Variants in RNF220 observed in about 807,000 individuals in gnomAD.
RNF220 encodes E3 ubiquitin-protein ligase RNF220.
Under a neutral mutation model 67.1 loss-of-function variants are expected in RNF220, and 7 were observed. The ratio of observed to expected loss-of-function variants is 0.10; its 90% CI spans 0.06 to 0.20. RNF220 has a LOEUF of 0.20. Ranked by LOEUF, RNF220 falls within the 10% of genes least tolerant of loss-of-function variation. The probability of loss-of-function intolerance (pLI) is 1.00; values close to 1 mark genes in which losing one functional copy is unlikely to be tolerated. For synonymous variants in RNF220, 270 were observed against 283.2 expected (o/e 0.95, Z 0.47); for missense variants, 565 against 740.3 (o/e 0.76, Z 2.75).
At chr1:44,555,302 A>C (rs1467686011) in intron 2 of RNF220, among the ~76,000 whole-genome samples, 1 of 152,104 alleles carries the variant, frequency 6.6e-6, no homozygotes, top group Non-Finnish European at 1.5e-5. Context: ...TCCTGGACTC[A>C]AGCGATTCTC....
chr1:44,637,428 G>A (rs1438879328), intron 8 of RNF220, among the ~76,000 whole-genome samples: 2 of 152,236 alleles, frequency 1.3e-5, no homozygotes, highest in Non-Finnish European at 2.9e-5. Flanking sequence ...AGAGTGAGCA[G>A]CAGGGCTGAC....
chr1:44,592,785 G>A (rs1241329884), intron 2 of RNF220, among the ~76,000 whole-genome samples: 1 of 152,094 alleles, frequency 6.6e-6, no homozygotes, highest in Non-Finnish European at 1.5e-5. Context: ...ATGCTTCCAG[G>A]TGCTTTCAAG....
intron 2 of RNF220, among the ~76,000 whole-genome samples, chr1:44,463,037 A>G (rs1370397785): frequency 7.0e-6 from 1 of 143,324 alleles, no homozygotes; most frequent in Non-Finnish European, 1.5e-5. Flanking sequence ...AAAAAACAAA[A>G]AAAGAAAATA....
chr1:44,413,678 T>G (rs1190527341), intron 2 of RNF220, among the ~76,000 whole-genome samples: 2 of 152,258 alleles, frequency 1.3e-5, no homozygotes, highest in Non-Finnish European at 2.9e-5. Flanking sequence ...CGCAACCCTT[T>G]GTTCTCAGAT....
chr1:44,582,401 G>A (rs539439510), intron 2 of RNF220, among the ~76,000 whole-genome samples: 1 of 152,298 alleles, frequency 6.6e-6, no homozygotes, highest in South Asian at 2.1e-4. Flanking sequence ...AATAATGGGT[G>A]CCCAGTGATG....
chr1:44,615,552 C>G lies in RNF220; in HGVS notation c.758+1255C>G, dbSNP rs190221383. Among the ~76,000 whole-genome samples the G allele has an allele frequency of 5.3e-5, 8 of 152,306 alleles. No individual in the cohort carries two copies. The East Asian group carries it at 1.5e-3, about 29-fold the overall frequency. ...CCTTCCTTCTACCTTCTTACCGAAT[C>G]CCCATGCAAGGTGCAGGGGATCCCA... is the stretch of plus-strand genomic sequence containing the variant. On this transcript the variant is annotated intron_variant, in intron 3 of 14. Coordinates refer to ENST00000361799, the MANE Select transcript of RNF220 (RefSeq NM_018150.4).
At chr1:44,562,299 G>A (rs564018285) in intron 2 of RNF220, among the ~76,000 whole-genome samples, 2 of 152,296 alleles carry the variant, frequency 1.3e-5, no homozygotes, top group Admixed American at 1.3e-4. Context: ...CCTTGTCCAG[G>A]GGGACCCGGA....
At chr1:44,545,320 GAGA>G (rs1473415155) in intron 2 of RNF220, among the ~76,000 whole-genome samples, 2 of 152,204 alleles carry the variant, frequency 1.3e-5, no homozygotes, top group Non-Finnish European at 2.9e-5. Context: ...GGTTTGAAAG[GAGA>G]AGAATTGTGG....
intron 2 of RNF220, among the ~76,000 whole-genome samples, chr1:44,574,794 G>T (rs115890236): frequency 6.6e-6 from 1 of 152,066 alleles, no homozygotes; most frequent in East Asian, 1.9e-4. Context: ...TTCCTCAGCC[G>T]CCTGTGCTAA....
chr1:44,457,332 A>G (rs544912095), intron 2 of RNF220, among the ~76,000 whole-genome samples: 2 of 152,324 alleles, frequency 1.3e-5, no homozygotes, highest in South Asian at 2.1e-4. Context: ...TCTTCACTCA[A>G]TAGGTGCCCA....
chr1:44,422,759 C>T (rs1379970170), intron 2 of RNF220, among the ~76,000 whole-genome samples: 1 of 152,172 alleles, frequency 6.6e-6, no homozygotes, highest in Non-Finnish European at 1.5e-5. Context: ...GGAAGTGCCT[C>T]CTGGAGTCTG....
intron 1 of RNF220, chr1:44,410,544 T>G (rs1647858792): frequency 6.6e-6 from 1 of 152,238 alleles, no homozygotes; most frequent in Admixed American, 6.5e-5. Flanking sequence ...TGTCCACTCA[T>G]CTTCCCAATT....
At chr1:44,587,443 G>C (rs539892589) in intron 2 of RNF220, among the ~76,000 whole-genome samples, 1 of 152,082 alleles carries the variant, frequency 6.6e-6, no homozygotes, top group East Asian at 1.9e-4. Flanking sequence ...CACCACGCCC[G>C]GCCACTGTTG....
At chr1:44,450,102 C>G (rs1281354148) in intron 2 of RNF220, among the ~76,000 whole-genome samples, 4 of 151,870 alleles carry the variant, frequency 2.6e-5, no homozygotes, top group Admixed American at 6.6e-5. Context: ...CCAGCTACCC[C>G]GGAGGCTGAG....
chr1:44,568,385 G>C (rs1664186069), intron 2 of RNF220, among the ~76,000 whole-genome samples: 1 of 152,172 alleles, frequency 6.6e-6, no homozygotes, highest in South Asian at 2.1e-4. Context: ...ACCGATGCTT[G>C]TCTTTCCCAC....
chr1:44,488,068 T>G (rs1306368075), intron 2 of RNF220, among the ~76,000 whole-genome samples: 1 of 150,074 alleles, frequency 6.7e-6, no homozygotes, highest in Non-Finnish European at 1.5e-5. Flanking sequence ...CTCCCAAGGC[T>G]CAGGTGATCC....
intron 2 of RNF220, among the ~76,000 whole-genome samples, chr1:44,515,375 TG>T (rs2148137029): frequency 6.6e-6 from 1 of 152,260 alleles, no homozygotes; most frequent in East Asian, 1.9e-4. Flanking sequence ...AGGTGTAGTT[TG>T]TGTGGTGATT....
At chr1:44,446,884 A>G (rs1001516347) in intron 2 of RNF220, among the ~76,000 whole-genome samples, 3 of 152,202 alleles carry the variant, frequency 2.0e-5, no homozygotes, top group South Asian at 2.1e-4. Flanking sequence ...ACTGTTTTCA[A>G]TAAGGCATAA....
At chr1:44,591,401 A>G (rs572218012) in intron 2 of RNF220, among the ~76,000 whole-genome samples, 9 of 152,364 alleles carry the variant, frequency 5.9e-5, no homozygotes, top group Admixed American at 5.9e-4. Context: ...TTGCTAAGGA[A>G]TCTAAGTCCT....
Sources: allele counts gnomAD v4.1 joint callset (sites outside exome capture counted in the v4.1 genomes callset), GRCh38; gene constraint gnomAD v4.1.1; transcripts MANE v1.5; gene names NCBI Gene and HGNC (gene_info 2026-07-23, HGNC 2026-07-21).